The following KCTD13 variants were observed in gnomAD, a reference collection of about 807,000 sequenced individuals.
KCTD13 encodes the protein BTB/POZ domain-containing adapter for CUL3-mediated RhoA degradation protein 1.
Under a neutral mutation model 32.3 loss-of-function variants are expected in KCTD13, and 15 were observed. That is an observed-to-expected ratio of 0.46 (90% CI 0.31 to 0.71). KCTD13 has a LOEUF of 0.71. Among genes scored for constraint, KCTD13 ranks in the 30% least tolerant of loss-of-function variants. The probability of loss-of-function intolerance (pLI) is 0.05; values close to 1 mark genes in which losing one functional copy is unlikely to be tolerated. For missense variants in KCTD13, 337 were observed against 452.6 expected (o/e 0.74, Z 2.32); for synonymous variants, 189 against 200.1 (o/e 0.94, Z 0.47).
chr16:29,914,553 C>G (rs1178828934), intron 2 of KCTD13: 1 of 152,064 alleles, frequency 6.6e-6, no homozygotes. Context: ...ATTCTCTTGC[C>G]TCAGCATCCC....
chr16:29,917,536 C>T (rs1344056237), intron 2 of KCTD13, among the ~76,000 whole-genome samples: 2 of 151,984 alleles, frequency 1.3e-5, no homozygotes, highest in Admixed American at 6.6e-5. Flanking sequence ...AATCCCAGCA[C>T]TTTGGGAGAC....
chr16:29,908,945 A>G (rs889243466), intron 5 of KCTD13, among the ~76,000 whole-genome samples: 10 of 151,898 alleles, frequency 6.6e-5, no homozygotes, highest in Admixed American at 5.9e-4. Flanking sequence ...CCCCTGCCTC[A>G]GCCTCCTAAA....
intron 5 of KCTD13, among the ~76,000 whole-genome samples, chr16:29,908,339 C>T (rs886525871): frequency 2.0e-5 from 3 of 152,132 alleles, no homozygotes; most frequent in Admixed American, 6.6e-5. Context: ...GCCTTGGAAG[C>T]ATCTAACACA....
chr16:29,920,182 G>A (rs973781708), intron 2 of KCTD13: 1 of 152,258 alleles, frequency 6.6e-6, no homozygotes, highest in African/African-American at 2.4e-5. Flanking sequence ...AAATTAGCCA[G>A]GCATTGTAGT....
intron 5 of KCTD13, among the ~76,000 whole-genome samples, chr16:29,907,991 AAGAG>A (rs574753177): frequency 5.3e-5 from 8 of 151,374 alleles, no homozygotes; most frequent in East Asian, 3.9e-4. Flanking sequence ...AAAAAAAAAA[AAGAG>A]AGAGAGAGAG....
chr16:29,917,291 A>G (rs951329878), intron 2 of KCTD13, among the ~76,000 whole-genome samples: 14 of 152,148 alleles, frequency 9.2e-5, no homozygotes, highest in South Asian at 2.1e-4. Flanking sequence ...TCCCTTCACA[A>G]TCATATTTAC....
At chr16:29,922,516 G>A (rs142609670) in intron 2 of KCTD13, 240 of 153,200 alleles carry the variant, frequency 1.6e-3, no homozygotes, top group Non-Finnish European at 2.6e-3. Flanking sequence ...TGGACTCACT[G>A]AAGGTCACTG....
chr16:29,911,593 T>C (rs948655744), intron 4 of KCTD13: 4 of 598,456 alleles, frequency 6.7e-6, no homozygotes, highest in Non-Finnish European at 1.2e-5. Context: ...CTCGCCACTA[T>C]CACTTTGTCC....
At chr16:29,916,785 T>A (rs2068817547) in intron 2 of KCTD13, among the ~76,000 whole-genome samples, 1 of 152,228 alleles carries the variant, frequency 6.6e-6, no homozygotes, top group African/African-American at 2.4e-5. Flanking sequence ...TGGGTGGCCC[T>A]GGCCCAGAAT....
In KCTD13 at chr16:29,906,742, C is replaced by G; in HGVS notation, c.*130G>C. The G allele has an allele frequency of 1.4e-6, 1 of 737,034 alleles. No individual in the cohort carries two copies. The highest frequency in any genetic ancestry group is 2.3e-6 in the Non-Finnish European group (1 of 428,660). 45.7% of individuals were successfully genotyped at this position (737,034 alleles called of 1,614,324 possible). A position where few individuals can be genotyped will look rare whatever the true frequency, so the allele number is the denominator to read the frequency against. ...TGGAGAAGGGCCAAAGTGAGCTGTGCCATGCAATGAAGGGACAGAGGAGGA... is the reference window on the plus strand; with the variant it reads ...TGGAGAAGGGCCAAAGTGAGCTGTGGCATGCAATGAAGGGACAGAGGAGGA... On this transcript the variant is annotated 3_prime_UTR_variant, in exon 6 of 6. Coordinates refer to ENST00000568000, the MANE Select transcript of KCTD13 (RefSeq NM_178863.5).
chr16:29,917,073 A>G (rs1418580755), intron 2 of KCTD13, among the ~76,000 whole-genome samples: 1 of 152,188 alleles, frequency 6.6e-6, no homozygotes, highest in Non-Finnish European at 1.5e-5. Context: ...TCATTTCTGC[A>G]ATGTCCTATT....
intron 5 of KCTD13, 55 bp from the exon 6 acceptor site, chr16:29,907,163 C>G: frequency 7.8e-7 from 1 of 1,278,768 alleles, no homozygotes; most frequent in Non-Finnish European, 1.1e-6. Flanking sequence ...CACGCAGGGC[C>G]ATCCCCCTGC....
intron 2 of KCTD13, among the ~76,000 whole-genome samples, chr16:29,916,876 G>C (rs1281139763): frequency 6.6e-6 from 1 of 152,196 alleles, no homozygotes; most frequent in Non-Finnish European, 1.5e-5. Context: ...CTCTGGTTCT[G>C]AGACAGGTCA....
intron 2 of KCTD13, among the ~76,000 whole-genome samples, chr16:29,916,308 C>T (rs1490616862): frequency 2.0e-5 from 3 of 151,198 alleles, no homozygotes; most frequent in Non-Finnish European, 4.4e-5. Flanking sequence ...AGGCTGGTCT[C>T]GAACTCCTGA....
chr16:29,916,045 T>C (rs947841316), intron 2 of KCTD13, among the ~76,000 whole-genome samples: 1 of 152,158 alleles, frequency 6.6e-6, no homozygotes, highest in Admixed American at 6.6e-5. Context: ...ACATTCTGTC[T>C]GGAAAGCTCC....
chr16:29,925,790 C>T lies in KCTD13; in HGVS notation c.244G>A (p.Gly82Ser). 6.2e-7 allele frequency: 1 copy of T among 1,613,410 alleles called. No individual in the cohort carries two copies. Among genetic ancestry groups the T allele is most frequent in the South Asian group, 1.1e-5 (1 of 91,026 alleles). Residue 82 changes from glycine (G) to serine (S), a missense_variant and splice_region_variant, in exon 1 of 6, where the codon GGT (glycine) becomes AGT (serine). Physicochemically the swap from Gly to Ser is moderately conservative, Grantham distance 56. Coordinates refer to ENST00000568000, the MANE Select transcript of KCTD13 (RefSeq NM_178863.5). ...GRVEVLTDAGGWVLIDRSGRH... is the reference protein window; with the variant it reads ...GRVEVLTDAGSWVLIDRSGRH... ...GGCACGGTAGGGGCGCCGCTCGTAC[C>T]TCCGGCATCGGTCAGCACCTCCACG...
At chr16:29,921,942 G>A (rs894990835) in intron 2 of KCTD13, 1 of 152,226 alleles carries the variant, frequency 6.6e-6, no homozygotes, top group Non-Finnish European at 1.5e-5. Flanking sequence ...TTGCACTCCA[G>A]CCTGGGCGAC....
At chr16:29,911,297 G>A (rs117594597) in intron 4 of KCTD13, 124 bp from the exon 5 acceptor site, 4 of 749,858 alleles carry the variant, frequency 5.3e-6, no homozygotes. Flanking sequence ...GCTCAACAGA[G>A]AGCCTCCTCC....
At chr16:29,912,822 T>C (rs1018588997) in intron 2 of KCTD13, among the ~76,000 whole-genome samples, 12 of 152,256 alleles carry the variant, frequency 7.9e-5, no homozygotes, top group African/African-American at 2.9e-4. Context: ...TCTTCCCACC[T>C]AGGAATAACT....
Sources: allele counts gnomAD v4.1 joint callset (sites outside exome capture counted in the v4.1 genomes callset), GRCh38; gene constraint gnomAD v4.1.1; transcripts MANE v1.5; gene names NCBI Gene and HGNC (gene_info 2026-07-23, HGNC 2026-07-21).